C19orf44: variants seen among roughly 807,000 people sequenced by gnomAD.
C19orf44 encodes uncharacterized protein C19orf44.
Under a neutral mutation model 50.7 loss-of-function variants are expected in C19orf44, and 43 were observed. The ratio of observed to expected loss-of-function variants is 0.85; its 90% confidence interval spans 0.66 to 1.09. The LOEUF is 1.09. C19orf44 is among the 50% of genes least tolerant of loss of function. The probability of loss-of-function intolerance (pLI) is 0.00; values close to 1 mark genes in which losing one functional copy is unlikely to be tolerated. For missense variants in C19orf44, 722 were observed against 836.2 expected (o/e 0.86, Z 1.68); for synonymous variants, 298 against 334.7 (o/e 0.89, Z 1.20).
chr19:16,510,400 C>T (rs1195934527), intron 5 of C19orf44, among the ~76,000 whole-genome samples: 1 of 151,568 alleles, frequency 6.6e-6, no homozygotes, highest in Non-Finnish European at 1.5e-5. Context: ...GACTCTGTCT[C>T]AAAAAAAATA....
intron 2 of C19orf44, among the ~76,000 whole-genome samples, chr19:16,502,236 CTTTTTTTTTT>C (rs56319712): frequency 6.6e-5 from 7 of 106,730 alleles, no homozygotes; most frequent in African/African-American, 3.0e-4. Context: ...TCTTTCTTTC[CTTTTTTTTTT>C]TTTTTTTTTT....
In C19orf44 at chr19:16,509,808, T is replaced by C; in HGVS notation, c.1459T>C (p.Ser487Pro). 2 of 1,614,250 alleles carry C rather than the reference T, an allele frequency of 1.2e-6. No homozygotes were observed. Among genetic ancestry groups the C allele is most frequent in the Non-Finnish European group, 1.7e-6 (2 of 1,180,044 alleles). ...SLTASEPTAH[S>P]KESLDRTLDA... ...GACAGCATCTGAGCCAACCGCCCAT[T>C]CCAAGGAGTCTCTTGACAGAACACT... Residue 487 changes from serine (S) to proline (P), a missense_variant, in exon 5 of 9, where the codon TCC becomes CCC. By Grantham distance (74) the Ser-to-Pro change is moderately conservative. Coordinates refer to ENST00000221671, the MANE Select transcript of C19orf44 (RefSeq NM_032207.4).
chr19:16,517,140 G>A, intron 7 of C19orf44, 90 bp from the exon 8 acceptor site: 1 of 1,216,632 alleles, frequency 8.2e-7, no homozygotes, highest in Middle Eastern at 1.9e-4. Flanking sequence ...GCTGGGGACA[G>A]GTGCTGGCTC....
chr19:16,518,329 C>T (rs1339066029), intron 8 of C19orf44: 1 of 151,950 alleles, frequency 6.6e-6, no homozygotes, highest in Non-Finnish European at 1.5e-5. Context: ...CTTCCAAGTG[C>T]AAAACTCAAG....
At chr19:16,498,733 C>T (rs956158409) in intron 1 of C19orf44, among the ~76,000 whole-genome samples, 3 of 151,658 alleles carry the variant, frequency 2.0e-5, no homozygotes, top group East Asian at 1.9e-4. Flanking sequence ...TGCAATGGCG[C>T]GATCTCGGTT....
intron 2 of C19orf44, 139 bp from the exon 3 acceptor site, chr19:16,502,926 G>A: frequency 1.4e-6 from 1 of 720,386 alleles, no homozygotes; most frequent in South Asian, 2.0e-5. Context: ...GGATGTCGAG[G>A]CTACAGTGAG....
intron 3 of C19orf44, among the ~76,000 whole-genome samples, chr19:16,506,031 T>C (rs985799967): frequency 1.3e-5 from 2 of 150,976 alleles, no homozygotes; most frequent in Admixed American, 1.3e-4. Flanking sequence ...CAGGCTGGAG[T>C]GCAGTGGTGT....
chr19:16,503,243 C>T lies in C19orf44; in HGVS notation c.938C>T (p.Ser313Leu), dbSNP rs2093431013. 3 of 1,614,150 alleles carry T rather than the reference C, an allele frequency of 1.9e-6. No homozygotes were observed. Among genetic ancestry groups the T allele is most frequent in the Non-Finnish European group, 2.5e-6 (3 of 1,180,034 alleles). Reference sequence around the variant, plus strand: ...AGTGACACCGCCTCCCACACGCCGTCAGTTTCCATCACAGGCGCCTTTTCA... The same window carrying T: ...AGTGACACCGCCTCCCACACGCCGTTAGTTTCCATCACAGGCGCCTTTTCA... ...VSSDTASHTP[S>L]VSITGAFSNS... The change falls in exon 3 of 9, where the codon TCA (serine) becomes TTA (leucine). Residue 313 changes from serine (S) to leucine (L), a missense_variant. By Grantham distance (145) the Ser-to-Leu change is moderately radical. Coordinates refer to ENST00000221671, the MANE Select transcript of C19orf44 (RefSeq NM_032207.4).
At chr19:16,502,072 G>A (rs1186748354) in intron 2 of C19orf44, among the ~76,000 whole-genome samples, 1 of 150,498 alleles carries the variant, frequency 6.6e-6, no homozygotes, top group Non-Finnish European at 1.5e-5. Flanking sequence ...CACCATGCCC[G>A]GCTGATTTTG....
Position 16,519,660 on chromosome 19 carries a change from C to T in C19orf44, c.*41-434C>T, listed in dbSNP as rs1395904671. On this transcript the variant is annotated intron_variant, in intron 8 of 8. Coordinates refer to ENST00000221671, the MANE Select transcript of C19orf44 (RefSeq NM_032207.4). The surrounding 1 kb of genome is among the most constrained non-coding windows in gnomAD (Gnocchi z 6.0). Reference sequence around the variant, plus strand: ...ATCTGATGGCCTTTGTTCTCTTCTCCGAGCCTTGAGTCAGGGATGGGAGGC... The same window carrying T: ...ATCTGATGGCCTTTGTTCTCTTCTCTGAGCCTTGAGTCAGGGATGGGAGGC... 6 of 1,614,076 alleles carry T rather than the reference C, an allele frequency of 3.7e-6. No individual in the cohort carries two copies. The highest frequency in any genetic ancestry group is 2.2e-5 in the East Asian group (1 of 44,882).
intron 1 of C19orf44, among the ~76,000 whole-genome samples, chr19:16,499,078 CAG>C (rs1205414256): frequency 2.0e-5 from 3 of 152,106 alleles, no homozygotes; most frequent in Admixed American, 6.6e-5. Context: ...CAGGCTGACA[CAG>C]AGCGATTAAG....
intron 5 of C19orf44, among the ~76,000 whole-genome samples, chr19:16,511,053 T>A (rs1470002856): frequency 6.6e-6 from 1 of 151,814 alleles, no homozygotes; most frequent in Non-Finnish European, 1.5e-5. Flanking sequence ...TTTTTTTTTT[T>A]TGAGATGGAG....
chr19:16,508,143 G>A (rs145699495), intron 4 of C19orf44, among the ~76,000 whole-genome samples: 58 of 150,578 alleles, frequency 3.9e-4, no homozygotes, highest in African/African-American at 7.6e-4. Context: ...TCGCTCTGTC[G>A]CCCAGGCTGG....
chr19:16,506,435 A>C (rs2093440837), intron 3 of C19orf44, among the ~76,000 whole-genome samples: 1 of 152,072 alleles, frequency 6.6e-6, no homozygotes, highest in South Asian at 2.1e-4. Flanking sequence ...TGTACTAAAA[A>C]TAGAAAAATT....
chr19:16,519,081 A>G lies in C19orf44; in HGVS notation c.*41-1013A>G, dbSNP rs2085579730. The G allele has an allele frequency of 7.6e-7, 1 of 1,318,034 alleles. No individual in the cohort carries two copies. The highest frequency in any genetic ancestry group is 1.1e-6 in the Non-Finnish European group (1 of 946,700). The allele number at this position is 1,318,034 out of a possible 1,614,324, so 81.6% of individuals were successfully genotyped here. A position where few individuals can be genotyped will look rare whatever the true frequency, so the allele number is the denominator to read the frequency against. On this transcript the variant is annotated intron_variant, in intron 8 of 8. Coordinates refer to ENST00000221671, the MANE Select transcript of C19orf44 (RefSeq NM_032207.4). This position sits in a 1 kb window ranked among gnomAD's most constrained non-coding sequence, Gnocchi z 6.0. Reference sequence around the variant, plus strand: ...GGTGTAAGAACTGAGCTGTCACTGCAATCTTCCTCTGCCAGTCAGCCAGGA... The same window carrying G: ...GGTGTAAGAACTGAGCTGTCACTGCGATCTTCCTCTGCCAGTCAGCCAGGA...
In C19orf44 at chr19:16,517,361, C is replaced by G; in HGVS notation, c.*40+20C>G. On this transcript the variant is annotated intron_variant, in intron 8 of 8. Coordinates refer to ENST00000221671, the MANE Select transcript of C19orf44 (RefSeq NM_032207.4). ...CAAAAGGTATCCCGTCCTGTGTACT[C>G]AGTGCACACACACGCACACAAACAT... 4.1e-6 allele frequency: 6 copies of G among 1,471,876 alleles called. No homozygotes were observed. Among genetic ancestry groups the G allele is most frequent in the Admixed American group, 1.7e-5 (1 of 57,478 alleles). 91.2% of individuals were successfully genotyped at this position (1,471,876 alleles called of 1,614,324 possible). A position where few individuals can be genotyped will look rare whatever the true frequency, so the allele number is the denominator to read the frequency against.
chr19:16,508,005 C>T (rs2093445292), intron 4 of C19orf44, among the ~76,000 whole-genome samples: 2 of 151,720 alleles, frequency 1.3e-5, no homozygotes, highest in African/African-American at 2.4e-5. Flanking sequence ...TGGGGTTTCA[C>T]CGTGTTAGCC....
Position 16,519,748 on chromosome 19 carries a change from G to C in C19orf44, c.*41-346G>C, listed in dbSNP as rs764800161. ...CGAGACAGGTTATTCTTTTTAAGAA[G>C]TAACTGAGACATTTATTGGAATGAC... On this transcript the variant is annotated intron_variant, in intron 8 of 8. Coordinates refer to ENST00000221671, the MANE Select transcript of C19orf44 (RefSeq NM_032207.4). The surrounding 1 kb of genome is among the most constrained non-coding windows in gnomAD (Gnocchi z 6.0). 1.3e-6 allele frequency: 2 copies of C among 1,545,248 alleles called. No individual in the cohort carries two copies. Among genetic ancestry groups the C allele is most frequent in the Admixed American group, 1.7e-5 (1 of 59,904 alleles).
Position 16,520,047 on chromosome 19 carries a change from G to T in C19orf44, c.*41-47G>T. The T allele has an allele frequency of 8.2e-7, 1 of 1,221,358 alleles. No individual in the cohort carries two copies. The highest frequency in any genetic ancestry group is 1.2e-6 in the Non-Finnish European group (1 of 849,364). 75.7% of individuals were successfully genotyped at this position (1,221,358 alleles called of 1,614,324 possible). ...CCACTGTCCCCGGGCTAATGCTGGCGGCCTCCTAACACAGTCTCCTAACCA... is the reference window on the plus strand; with the variant it reads ...CCACTGTCCCCGGGCTAATGCTGGCTGCCTCCTAACACAGTCTCCTAACCA... On this transcript the variant is annotated intron_variant, in intron 8 of 8. Coordinates refer to ENST00000221671, the MANE Select transcript of C19orf44 (RefSeq NM_032207.4). The surrounding 1 kb of genome is among the most constrained non-coding windows in gnomAD (Gnocchi z 4.0).
Sources: gnomAD v4.1 joint callset for allele counts (sites outside exome capture counted in the v4.1 genomes callset) on GRCh38, gnomAD v4.1.1 for gene constraint, Gnocchi (gnomAD v3.1) non-coding constraint, MANE v1.5 for transcripts, NCBI Gene and HGNC (gene_info 2026-07-23, HGNC 2026-07-21) for gene names.